Variants in HTR4 observed in about 807,000 individuals in gnomAD.
The protein encoded by HTR4 is 5-hydroxytryptamine (serotonin) receptor 4, G protein-coupled.
Under a neutral mutation model 36.8 loss-of-function variants are expected in HTR4, and 16 were observed. That is an observed-to-expected ratio of 0.43 (90% CI 0.29 to 0.66). The LOEUF is 0.66. Ranked by LOEUF, HTR4 falls within the 30% of genes least tolerant of loss-of-function variation. The pLI is 0.13. For missense variants in HTR4, 438 were observed against 490.9 expected (o/e 0.89, Z 1.02); for synonymous variants, 189 against 185.1 (o/e 1.02, Z -0.17).
chr5:148,610,796 G>A (rs1354459091), intron 2 of HTR4, among the ~76,000 whole-genome samples: 1 of 142,958 alleles, frequency 7.0e-6, no homozygotes, highest in Non-Finnish European at 1.5e-5. Context: ...TTAGAAGAAT[G>A]TATAACTAGA....
chr5:148,457,906 T>C (rs1425199033), intron 5 of HTR4, among the ~76,000 whole-genome samples: 1 of 137,036 alleles, frequency 7.3e-6, no homozygotes, highest in Non-Finnish European at 1.5e-5. Flanking sequence ...TATTTTAATA[T>C]ATATTTAATA....
chr5:148,648,832 T>G (rs1452152278), intron 1 of HTR4, among the ~76,000 whole-genome samples: 1 of 152,176 alleles, frequency 6.6e-6, no homozygotes, highest in Non-Finnish European at 1.5e-5. Flanking sequence ...GTCAAACTAA[T>G]GGCAGAGCAA....
intron 2 of HTR4, among the ~76,000 whole-genome samples, chr5:148,628,033 G>A (rs1441479272): frequency 6.6e-6 from 1 of 152,164 alleles, no homozygotes; most frequent in Non-Finnish European, 1.5e-5. Context: ...TCAGACAACA[G>A]GGACTCACAG....
chr5:148,595,489 G>A (rs2127262633), intron 2 of HTR4, among the ~76,000 whole-genome samples: 1 of 152,176 alleles, frequency 6.6e-6, no homozygotes, highest in Non-Finnish European at 1.5e-5. Flanking sequence ...TAGCACCCAG[G>A]ACACAGGACA....
chr5:148,617,531 C>T (rs1228105954), intron 2 of HTR4, among the ~76,000 whole-genome samples: 4 of 151,610 alleles, frequency 2.6e-5, no homozygotes, highest in Admixed American at 2.0e-4. Flanking sequence ...TGCAGTGGCG[C>T]GATCCTGGCT....
intron 2 of HTR4, among the ~76,000 whole-genome samples, chr5:148,634,187 G>A: frequency 6.6e-6 from 1 of 152,094 alleles, no homozygotes; most frequent in East Asian, 1.9e-4. Context: ...TAGAGCTTGT[G>A]GAAGTCTAAA....
At chr5:148,457,893 TTATATTTTAATATATA>T (rs1755144479) in intron 5 of HTR4, among the ~76,000 whole-genome samples, 1 of 125,340 alleles carries the variant, frequency 8.0e-6, no homozygotes, top group Non-Finnish European at 1.6e-5. Context: ...TTAAAATATA[TTATATTTTAATATATA>T]TTTAATATAT....
chr5:148,480,820 T>C (rs375624948), downstream of HTR4, among the ~76,000 whole-genome samples: 6 of 152,246 alleles, frequency 3.9e-5, no homozygotes, highest in South Asian at 1.2e-3. Flanking sequence ...AATAAATTCA[T>C]AGTCCTCGAG....
At chr5:148,463,637 G>T (rs1377616696) in intron 5 of HTR4, among the ~76,000 whole-genome samples, 1 of 151,908 alleles carries the variant, frequency 6.6e-6, no homozygotes. Context: ...TTGTCAAGAT[G>T]TCAAGGCTTA....
chr5:148,477,523 C>T (rs1449045482), downstream of HTR4, among the ~76,000 whole-genome samples: 1 of 152,148 alleles, frequency 6.6e-6, no homozygotes, highest in African/African-American at 2.4e-5. Flanking sequence ...AACCTGGGCT[C>T]CATTTCCAGC....
intron 1 of HTR4, among the ~76,000 whole-genome samples, chr5:148,643,640 G>T (rs961555996): frequency 1.3e-5 from 2 of 152,230 alleles, no homozygotes; most frequent in Non-Finnish European, 2.9e-5. Context: ...TGATCAGCAA[G>T]CACCTGAGAA....
Position 148,573,895 on chromosome 5 carries a change from C to T in HTR4, c.27-23633G>A, listed in dbSNP as rs577850400. On this transcript the variant is annotated intron_variant, in intron 2 of 6. Transcript: ENST00000377888. ...GACTAATGGTCTACCTGGATCTACACGAGTCTCTTACCACTCTGAAATAAA... is the reference window on the plus strand; with the variant it reads ...GACTAATGGTCTACCTGGATCTACATGAGTCTCTTACCACTCTGAAATAAA... 3.2e-4 allele frequency among the ~76,000 whole-genome samples: 48 copies of T among 152,144 alleles called. 1 individual carries two copies. The highest frequency in any genetic ancestry group is 1.1e-3 in the African/African-American group (45 of 41,530).
intron 5 of HTR4, among the ~76,000 whole-genome samples, chr5:148,453,690 G>A (rs945799891): frequency 7.5e-4 from 114 of 152,268 alleles, no homozygotes; most frequent in African/African-American, 2.4e-3. Context: ...CCAAGTGGGC[G>A]GGGGTGGGCT....
At chr5:148,635,895 T>A (rs186890000) in intron 2 of HTR4, among the ~76,000 whole-genome samples, 1 of 152,148 alleles carries the variant, frequency 6.6e-6, no homozygotes, top group African/African-American at 2.4e-5. Flanking sequence ...AATAACAAAG[T>A]CCACACACTT....
chr5:148,634,644 G>T (rs1467053520), intron 2 of HTR4, among the ~76,000 whole-genome samples: 2 of 152,124 alleles, frequency 1.3e-5, no homozygotes, highest in Non-Finnish European at 2.9e-5. Context: ...CCTCGGAGAA[G>T]TCAGCACACA....
At chr5:148,564,120 C>T (rs1178940977) in intron 2 of HTR4, among the ~76,000 whole-genome samples, 1 of 152,200 alleles carries the variant, frequency 6.6e-6, no homozygotes. Context: ...CACATCTTGA[C>T]CTGGTTTAAA....
intron 4 of HTR4, among the ~76,000 whole-genome samples, chr5:148,541,965 T>G (rs530902329): frequency 6.6e-6 from 1 of 152,244 alleles, no homozygotes; most frequent in Non-Finnish European, 1.5e-5. Context: ...AGCTTTTTTT[T>G]TTTCCTTCTC....
At chr5:148,474,816 C>T (rs769890374), downstream of HTR4, among the ~76,000 whole-genome samples, 1 of 152,026 alleles carries the variant, frequency 6.6e-6, no homozygotes, top group Non-Finnish European at 1.5e-5. Flanking sequence ...GTAGTCTCGG[C>T]GGGTGGATTA....
chr5:148,504,683 C>T (rs953061511), intron 6 of HTR4, among the ~76,000 whole-genome samples: 5 of 151,904 alleles, frequency 3.3e-5, no homozygotes, highest in African/African-American at 1.2e-4. Flanking sequence ...AAAAACCCTT[C>T]AAAAAATCAA....
Sources: gnomAD v4.1 joint callset for allele counts (sites outside exome capture counted in the v4.1 genomes callset) on GRCh38, gnomAD v4.1.1 for gene constraint, MANE v1.5 for transcripts, NCBI Gene and HGNC (gene_info 2026-07-23, HGNC 2026-07-21) for gene names.